VAC14: variants seen among roughly 807,000 people sequenced by gnomAD.
VAC14 encodes protein VAC14 homolog.
A neutral mutation model predicts 85.3 loss-of-function variants in VAC14; 47 were observed. The observed-to-expected ratio is 0.55, with a 90% CI of 0.44 to 0.70. VAC14 has a LOEUF of 0.70. Ranked by LOEUF, VAC14 falls within the 30% of genes least tolerant of loss-of-function variation. The pLI is 0.00. For missense variants in VAC14, 861 were observed against 1,004.3 expected (o/e 0.86, Z 1.93); for synonymous variants, 447 against 430.5 (o/e 1.04, Z -0.47).
chr16:70,723,225 A>G (rs2054338957), intron 14 of VAC14, among the ~76,000 whole-genome samples: 1 of 147,716 alleles, frequency 6.8e-6, no homozygotes, highest in Non-Finnish European at 1.5e-5. Flanking sequence ...CTGTCTCAAA[A>G]GAAAAAAAAA....
intron 14 of VAC14, 164 bp downstream of exon 14, chr16:70,731,331 C>T: frequency 1.4e-6 from 2 of 1,464,328 alleles, no homozygotes; most frequent in Non-Finnish European, 1.8e-6. Flanking sequence ...GCATCAGCAA[C>T]CAGTATGAAG....
At chr16:70,765,996 G>A (rs2032778972) in intron 10 of VAC14, among the ~76,000 whole-genome samples, 1 of 151,978 alleles carries the variant, frequency 6.6e-6, no homozygotes, top group Admixed American at 6.5e-5. Context: ...AGCTGGGTGT[G>A]GTGGTACATT....
intron 12 of VAC14, among the ~76,000 whole-genome samples, chr16:70,754,591 C>T (rs111536684): frequency 2.6e-5 from 4 of 152,216 alleles, no homozygotes; most frequent in African/African-American, 9.6e-5. Flanking sequence ...GGGCAGTGTC[C>T]CCTGCCCACG....
At chr16:70,800,153 C>A (rs1448181637) in intron 1 of VAC14, among the ~76,000 whole-genome samples, 1 of 152,114 alleles carries the variant, frequency 6.6e-6, no homozygotes, top group African/African-American at 2.4e-5. Flanking sequence ...AAAACATCCC[C>A]AGTTAAACTT....
rs577286435 is a variant in VAC14 at position 70,707,994 on chromosome 16, T to C, written c.1662-9183A>G. Among the ~76,000 whole-genome samples, 3 of 152,316 alleles carry C rather than the reference T, an allele frequency of 2.0e-5. No individual in the cohort carries two copies. The South Asian group carries it at 6.2e-4, about 32-fold the overall frequency. On this transcript the variant is annotated intron_variant, in intron 14 of 18. Coordinates refer to ENST00000261776, the MANE Select transcript of VAC14 (RefSeq NM_018052.5). ...TTAGTAGAGACTGGGTTTCACCATG[T>C]TGGCCAGGCTGGTCTTGAACTCCTG...
At position 70,780,834 on chromosome 16, in the gene VAC14, G is replaced by C. The variant is rs758349420; in HGVS notation, c.1052C>G (p.Pro351Arg). 6.2e-7 allele frequency: 1 copy of C among 1,612,836 alleles called. No homozygotes were observed. The highest frequency in any genetic ancestry group is 1.7e-4 in the Middle Eastern group (1 of 6,056). ...CTTTGGCAGGGCATCGTCAGGGGTG[G>C]GCTCTGCCTGCCTCTGCCCAGGTCT... ...ELRPGQRQAEPTPDDALPKQE... is the reference protein window; with the variant it reads ...ELRPGQRQAERTPDDALPKQE... The change falls in exon 9 of 19, where the codon CCC (proline) becomes CGC (arginine). Residue 351 changes from proline to arginine, a missense_variant. By Grantham distance (103) the Pro-to-Arg change is moderately radical (BLOSUM62 -2). Transcript: ENST00000261776.
intron 16 of VAC14, among the ~76,000 whole-genome samples, chr16:70,696,580 C>T (rs531414264): frequency 2.5e-4 from 38 of 152,364 alleles, no homozygotes; most frequent in Non-Finnish European, 4.1e-4. Flanking sequence ...ATGGGTGCCT[C>T]CTGCTTCTGA....
chr16:70,724,393 C>G (rs969348909), intron 14 of VAC14, among the ~76,000 whole-genome samples: 1 of 152,158 alleles, frequency 6.6e-6, no homozygotes. Context: ...GGTGCAAGGA[C>G]GCTGGTCATT....
chr16:70,782,153 GC>G, intron 7 of VAC14, 150 bp from the exon 8 acceptor site: 1 of 1,163,532 alleles, frequency 8.6e-7, no homozygotes. Flanking sequence ...CTACCTGTGT[GC>G]TTTGCCTTCC....
chr16:70,771,184 G>A (rs550772957), intron 10 of VAC14: 4 of 152,292 alleles, frequency 2.6e-5, no homozygotes, highest in South Asian at 4.1e-4. Context: ...TACCTTCCGC[G>A]GGGAGTCCCT....
chr16:70,794,434 G>A (rs376017133), intron 1 of VAC14, among the ~76,000 whole-genome samples: 1 of 151,888 alleles, frequency 6.6e-6, no homozygotes, highest in Non-Finnish European at 1.5e-5. Flanking sequence ...GTTTTCAAGG[G>A]GCTTTTTTTT....
At chr16:70,776,186 G>C (rs923525585) in intron 9 of VAC14, among the ~76,000 whole-genome samples, 2 of 151,984 alleles carry the variant, frequency 1.3e-5, no homozygotes, top group African/African-American at 4.8e-5. Flanking sequence ...CTGCAGCCTC[G>C]AGCTCCTGGG....
chr16:70,694,222 A>C (rs1210302684), intron 17 of VAC14, among the ~76,000 whole-genome samples: 1 of 152,136 alleles, frequency 6.6e-6, no homozygotes, highest in Non-Finnish European at 1.5e-5. Flanking sequence ...GAGGGAGGGC[A>C]GTCATCCTAG....
chr16:70,734,030 G>T (rs2054674237), intron 13 of VAC14, among the ~76,000 whole-genome samples: 1 of 152,010 alleles, frequency 6.6e-6, no homozygotes, highest in African/African-American at 2.4e-5. Flanking sequence ...CACCATGTTA[G>T]CCAGGATGGT....
In VAC14 at chr16:70,784,125, G is replaced by A; in HGVS notation, c.582C>T (p.Phe194=). 1 of 1,614,150 alleles carries A rather than the reference G, an allele frequency of 6.2e-7. No individual in the cohort carries two copies. The highest frequency in any genetic ancestry group is 8.5e-7 in the Non-Finnish European group (1 of 1,179,986). The change falls in exon 5 of 19, where the codon TTC becomes TTT. Residue 194 remains phenylalanine (F), a synonymous_variant. Transcript: ENST00000261776. ...GGCCAGGCCTTACCCAGGAGATGATGAACTGCCGGGCATACTGGTTGTTGG... is the reference window on the plus strand; with the variant it reads ...GGCCAGGCCTTACCCAGGAGATGATAAACTGCCGGGCATACTGGTTGTTGG... The part of the protein sequence containing the change: ...IYSNNQYARQ[F]IISWILVLES...
chr16:70,780,711 G>A, intron 9 of VAC14, 79 bp downstream of exon 9: 1 of 1,494,802 alleles, frequency 6.7e-7, no homozygotes, highest in Non-Finnish European at 8.9e-7. Context: ...GCTTAAGTGA[G>A]GCCCCAAGGC....
intron 12 of VAC14, among the ~76,000 whole-genome samples, chr16:70,751,615 C>T (rs757506997): frequency 1.6e-4 from 25 of 152,200 alleles, no homozygotes; most frequent in Non-Finnish European, 3.4e-4. Context: ...CTCTTCAGTC[C>T]CTGACCACAT....
chr16:70,755,961 G>C, intron 12 of VAC14: 1 of 455,690 alleles, frequency 2.2e-6, no homozygotes. Context: ...GCTTCCCCCA[G>C]GTGGGACCCC....
chr16:70,693,009 C>T, intron 17 of VAC14, 38 bp from the exon 18 acceptor site: 2 of 1,594,416 alleles, frequency 1.3e-6, no homozygotes, highest in Non-Finnish European at 1.7e-6. Context: ...GGACCTGGCA[C>T]TGCTCTGGGA....
Sources: gnomAD v4.1 joint callset for allele counts (sites outside exome capture counted in the v4.1 genomes callset) on GRCh38, gnomAD v4.1.1 for gene constraint, MANE v1.5 for transcripts, NCBI Gene and HGNC (gene_info 2026-07-23, HGNC 2026-07-21) for gene names.